IFT43: variants seen among roughly 807,000 people sequenced by gnomAD.
IFT43 encodes the protein intraflagellar transport protein 43 homolog.
A neutral mutation model predicts 32.3 loss-of-function variants in IFT43; 33 were observed. The ratio of observed to expected loss-of-function variants is 1.02; its 90% CI spans 0.77 to 1.37. IFT43 has a LOEUF of 1.37. Among genes scored for constraint, IFT43 ranks in the 40% most tolerant of loss-of-function variants. The pLI, the probability that IFT43 is intolerant of heterozygous loss-of-function variation, is 0.00. For missense variants in IFT43, 274 were observed against 265.9 expected (o/e 1.03, Z -0.21); for synonymous variants, 93 against 98.2 (o/e 0.95, Z 0.31).
At position 76,083,475 on chromosome 14, in the gene IFT43, C is replaced by T; in HGVS notation, c.525C>T (p.Asp175=). The part of the protein sequence containing the change: ...HEVREDDVGW[D]WDHLFTEVSS... The stretch of plus-strand genomic sequence containing the variant: ...CTTGGCAGGATGATGTCGGCTGGGA[C>T]TGGGACCATCTGTTCACTGAGGTGT... The change falls in exon 9 of 9, where the codon GAC becomes GAT. Residue 175 remains aspartate, a synonymous_variant. Transcript: ENST00000314067. 2 of 1,614,186 alleles carry T rather than the reference C, an allele frequency of 1.2e-6. No homozygotes were observed. The highest frequency in any genetic ancestry group is 2.2e-5 in the South Asian group (2 of 91,080).
chr14:76,002,171 C>T (rs974844158), intron 2 of IFT43, among the ~76,000 whole-genome samples: 2 of 152,164 alleles, frequency 1.3e-5, no homozygotes, highest in African/African-American at 2.4e-5. Context: ...TGCTTGAACC[C>T]GGGAGGCAGA....
chr14:75,999,759 T>C (rs1163740629), intron 2 of IFT43, among the ~76,000 whole-genome samples: 4 of 152,238 alleles, frequency 2.6e-5, no homozygotes, highest in Non-Finnish European at 5.9e-5. Context: ...AAGCCTGTTC[T>C]AAGGCATGCC....
chr14:76,068,672 C>G (rs952086027), intron 5 of IFT43, among the ~76,000 whole-genome samples: 1 of 152,212 alleles, frequency 6.6e-6, no homozygotes, highest in East Asian at 1.9e-4. Flanking sequence ...TTCCAGCTTG[C>G]CCTAAGTCCT....
chr14:76,076,771 C>T (rs2037420790), intron 5 of IFT43: 10 of 1,498,526 alleles, frequency 6.7e-6, no homozygotes, highest in South Asian at 2.3e-5. Flanking sequence ...TTTTAGTGTG[C>T]GCATGTGATG....
Position 76,045,998 on chromosome 14 carries a change from A to G in IFT43, c.216-12644A>G, listed in dbSNP as rs541028520. Among the ~76,000 whole-genome samples the G allele has an allele frequency of 6.6e-4, 100 of 152,280 alleles. 1 individual carries two copies. Among genetic ancestry groups the G allele is most frequent in the Middle Eastern group, 3.4e-3 (1 of 294 alleles). ...AGTCACTGGATGAGACTGCCCTACT[A>G]TAAAGACCGTGTCATGTGATGTGGA... On this transcript the variant is annotated intron_variant, in intron 3 of 8. Transcript: ENST00000314067.
intron 5 of IFT43, among the ~76,000 whole-genome samples, chr14:76,065,811 A>G (rs1167389118): frequency 6.6e-6 from 1 of 152,230 alleles, no homozygotes; most frequent in Non-Finnish European, 1.5e-5. Context: ...ATTTTAAGAG[A>G]TGGGATCTAT....
intron 3 of IFT43, among the ~76,000 whole-genome samples, chr14:76,050,266 T>A (rs1203345449): frequency 6.6e-6 from 1 of 152,204 alleles, no homozygotes; most frequent in Non-Finnish European, 1.5e-5. Flanking sequence ...GAATGAGGGA[T>A]TGTGAACCTC....
intron 3 of IFT43, among the ~76,000 whole-genome samples, chr14:76,042,802 C>T (rs949828515): frequency 1.3e-5 from 2 of 152,226 alleles, no homozygotes; most frequent in African/African-American, 2.4e-5. Flanking sequence ...GTTACAGGTG[C>T]ACCTGTAAAA....
At chr14:76,003,221 C>T (rs753783545) in intron 2 of IFT43, among the ~76,000 whole-genome samples, 1 of 152,092 alleles carries the variant, frequency 6.6e-6, no homozygotes, top group African/African-American at 2.4e-5. Flanking sequence ...TTTTAAGTTC[C>T]ATTTTAATTC....
downstream of IFT43, chr14:76,083,846 C>T (rs1432658416): frequency 6.7e-6 from 4 of 597,954 alleles, no homozygotes; most frequent in Admixed American, 4.3e-5. Flanking sequence ...GGCCTTGTTG[C>T]GGAGCATGTG....
chr14:76,022,573 C>A, intron 3 of IFT43, 179 bp downstream of exon 3: 1 of 465,638 alleles, frequency 2.1e-6, no homozygotes, highest in South Asian at 3.7e-5. Flanking sequence ...AGTTGTGCAA[C>A]CATTAACACA....
chr14:76,018,237 G>C (rs895259499), intron 2 of IFT43, among the ~76,000 whole-genome samples: 1 of 151,130 alleles, frequency 6.6e-6, no homozygotes, highest in African/African-American at 2.4e-5. Context: ...ATAGGTTTTT[G>C]TATGTTGTGT....
intron 2 of IFT43, among the ~76,000 whole-genome samples, chr14:75,995,206 C>G (rs898304613): frequency 6.6e-6 from 1 of 152,178 alleles, no homozygotes; most frequent in African/African-American, 2.4e-5. Flanking sequence ...TTCAGCTAAT[C>G]TGTGACTCTA....
chr14:75,994,152 A>T (rs2035698560), intron 2 of IFT43, among the ~76,000 whole-genome samples: 1 of 151,144 alleles, frequency 6.6e-6, no homozygotes, highest in Admixed American at 6.6e-5. Flanking sequence ...ATTTTAGCTT[A>T]AAAAAAATGT....
intron 5 of IFT43, among the ~76,000 whole-genome samples, chr14:76,072,933 C>T (rs1464904099): frequency 6.6e-6 from 1 of 152,192 alleles, no homozygotes; most frequent in Non-Finnish European, 1.5e-5. Context: ...ACGAGCACTT[C>T]TCCACCTCCA....
At chr14:76,034,124 G>A (rs1192142683) in intron 3 of IFT43, among the ~76,000 whole-genome samples, 1 of 152,182 alleles carries the variant, frequency 6.6e-6, no homozygotes, top group African/African-American at 2.4e-5. Flanking sequence ...ATGGCATTGT[G>A]CTAGATACTT....
chr14:76,022,740 A>G, intron 3 of IFT43: 1 of 186,926 alleles, frequency 5.3e-6, no homozygotes, highest in South Asian at 1.5e-4. Flanking sequence ...TCATGTAAAT[A>G]CAATCTACAT....
At chr14:76,034,818 C>T (rs2036570057) in intron 3 of IFT43, among the ~76,000 whole-genome samples, 1 of 152,220 alleles carries the variant, frequency 6.6e-6, no homozygotes, top group South Asian at 2.1e-4. Flanking sequence ...CCAGTCCCTT[C>T]CCCTTGGCGT....
intron 5 of IFT43, among the ~76,000 whole-genome samples, chr14:76,075,857 CAA>C (rs1170454070): frequency 6.6e-6 from 1 of 152,216 alleles, no homozygotes; most frequent in East Asian, 1.9e-4. Context: ...TTCAGTAAAA[CAA>C]AGTTTTGTAG....
Sources: gnomAD v4.1 joint callset for allele counts (sites outside exome capture counted in the v4.1 genomes callset) on GRCh38, gnomAD v4.1.1 for gene constraint, MANE v1.5 for transcripts, NCBI Gene and HGNC (gene_info 2026-07-23, HGNC 2026-07-21) for gene names.